Variants in DEK observed in about 807,000 individuals in gnomAD.
DEK encodes DEK proto-oncogene.
A neutral mutation model predicts 46.8 loss-of-function variants in DEK; 28 were observed. That is an observed-to-expected ratio of 0.60 (90% confidence interval 0.44 to 0.82). The LOEUF (loss-of-function observed/expected upper bound fraction) is 0.82, where lower values mean the gene tolerates loss of function less well. Among genes scored for constraint, DEK ranks in the 40% least tolerant of loss-of-function variants. DEK has a pLI of 0.00. For missense variants in DEK, 416 were observed against 430.6 expected (o/e 0.97, Z 0.30); for synonymous variants, 160 against 144.5 (o/e 1.11, Z -0.77).
intron 9 of DEK, among the ~76,000 whole-genome samples, chr6:18,235,872 G>A (rs2151080818): frequency 6.6e-6 from 1 of 152,180 alleles, no homozygotes; most frequent in Non-Finnish European, 1.5e-5. Context: ...AATAATCAAT[G>A]TCCTTTAAAA....
Position 18,264,002 on chromosome 6 carries a change from T to G in DEK, c.-9-6A>C, listed in dbSNP as rs748648599. ...GAGGCGGACATGCTGTGAACCTGCA[T>G]GCGGGAAGAAAGCCGGACGTCTCGG... On this transcript the variant is annotated splice_region_variant and splice_polypyrimidine_tract_variant and intron_variant, in intron 1 of 10. Coordinates refer to ENST00000652689, the MANE Select transcript of DEK (RefSeq NM_003472.4). 6.3e-6 allele frequency: 10 copies of G among 1,591,710 alleles called. 1 individual carries two copies. In the South Asian group the frequency reaches 6.7e-5, roughly 11 times the overall value.
At chr6:18,250,233 G>A (rs532877797) in intron 6 of DEK, among the ~76,000 whole-genome samples, 65 of 152,130 alleles carry the variant, frequency 4.3e-4, no homozygotes, top group Non-Finnish European at 5.1e-4. Flanking sequence ...ACTTTGGGAC[G>A]CCGAGGCGGG....
intron 7 of DEK, among the ~76,000 whole-genome samples, chr6:18,247,952 A>G (rs1348177063): frequency 1.3e-5 from 2 of 152,138 alleles, no homozygotes; most frequent in Non-Finnish European, 2.9e-5. Flanking sequence ...GATTACAGGC[A>G]TGGGTCACCA....
chr6:18,259,150 CAGG>C (rs1406012899), intron 2 of DEK, among the ~76,000 whole-genome samples: 1 of 151,708 alleles, frequency 6.6e-6, no homozygotes, highest in South Asian at 2.1e-4. Flanking sequence ...CTAACTCGGT[CAGG>C]AGATCGAGAC....
At chr6:18,230,002 G>T (rs1790337110) in intron 9 of DEK, among the ~76,000 whole-genome samples, 1 of 152,170 alleles carries the variant, frequency 6.6e-6, no homozygotes, top group Admixed American at 6.5e-5. Context: ...CCCACAAAGG[G>T]AAGCCCATCA....
intron 9 of DEK, among the ~76,000 whole-genome samples, chr6:18,235,472 A>G (rs990041518): frequency 1.3e-5 from 2 of 152,222 alleles, no homozygotes; most frequent in Non-Finnish European, 2.9e-5. Context: ...ATGCTTTTCC[A>G]GATTCCCCCA....
At position 18,252,461 on chromosome 6, in the gene DEK, A is replaced by G. The variant is rs1014339829; in HGVS notation, c.574-2622T>C. On this transcript the variant is annotated intron_variant, in intron 6 of 10. Coordinates refer to ENST00000652689, the MANE Select transcript of DEK (RefSeq NM_003472.4). ...GAGGTCAAGGTTGCATTGAGCCATG[A>G]TTGTACCACAACACTCCAGTCTAGG... 2.3e-5 allele frequency among the ~76,000 whole-genome samples: 3 copies of G among 128,754 alleles called. No homozygotes were observed. In the East Asian group the frequency reaches 8.0e-4, roughly 34 times the overall value. The allele number at this position is 128,754 out of a possible 152,430, so 84.5% of individuals were successfully genotyped here.
intron 4 of DEK, among the ~76,000 whole-genome samples, chr6:18,257,548 A>C (rs1561991600): frequency 6.6e-6 from 1 of 152,060 alleles, no homozygotes. Context: ...CTGCCTCTAC[A>C]AAAAGTAAAA....
intron 9 of DEK, among the ~76,000 whole-genome samples, chr6:18,232,444 T>G (rs1315730670): frequency 6.6e-6 from 1 of 152,166 alleles, no homozygotes; most frequent in East Asian, 1.9e-4. Context: ...GCAGATGACA[T>G]GATTCTATAT....
At chr6:18,252,327 T>C (rs983415709) in intron 6 of DEK, among the ~76,000 whole-genome samples, 17 of 151,720 alleles carry the variant, frequency 1.1e-4, no homozygotes, top group African/African-American at 3.6e-4. Flanking sequence ...TTGGACAATA[T>C]AGTGAGCCCT....
intron 9 of DEK, among the ~76,000 whole-genome samples, chr6:18,233,847 G>T (rs568876023): frequency 9.2e-5 from 14 of 152,138 alleles, no homozygotes; most frequent in Non-Finnish European, 1.3e-4. Flanking sequence ...CATTACTGGG[G>T]ATATACCCAA....
chr6:18,234,760 C>T (rs537725644), intron 9 of DEK, among the ~76,000 whole-genome samples: 22 of 152,294 alleles, frequency 1.4e-4, no homozygotes, highest in African/African-American at 5.1e-4. Flanking sequence ...CACCAAATTG[C>T]TTTCTCCCCT....
chr6:18,244,566 C>T (rs186263779), intron 7 of DEK: 2 of 1,289,186 alleles, frequency 1.6e-6, no homozygotes, highest in East Asian at 5.5e-5. Context: ...ACGCCTGTCA[C>T]AGAGCCAGAA....
At chr6:18,229,495 A>ATGGCT in intron 9 of DEK, among the ~76,000 whole-genome samples, 1 of 152,324 alleles carries the variant, frequency 6.6e-6, no homozygotes, top group Admixed American at 6.5e-5. Flanking sequence ...GATGAGACGA[A>ATGGCT]TGGCTAACTA....
chr6:18,242,520 G>C (rs931156722), intron 7 of DEK, among the ~76,000 whole-genome samples: 2 of 152,186 alleles, frequency 1.3e-5, no homozygotes, highest in African/African-American at 4.8e-5. Flanking sequence ...GCTGTTCTGA[G>C]TAGTGTGATG....
At chr6:18,256,602 G>A (rs1270850760) in intron 4 of DEK, 147 bp from the exon 5 acceptor site, 3 of 526,138 alleles carry the variant, frequency 5.7e-6, no homozygotes, top group African/African-American at 2.0e-5. Flanking sequence ...ATTCAATATG[G>A]GTTCAATATT....
chr6:18,228,515 G>A (rs214500), intron 9 of DEK, among the ~76,000 whole-genome samples: 13,960 of 151,940 alleles, frequency 0.092, 744 homozygotes, highest in South Asian at 0.23. Flanking sequence ...GGGGCTTGTC[G>A]GACGGTGGGT....
chr6:18,227,767 C>A (rs1213891002), intron 9 of DEK, among the ~76,000 whole-genome samples: 1 of 152,152 alleles, frequency 6.6e-6, no homozygotes, highest in Non-Finnish European at 1.5e-5. Context: ...CCAGATAGAT[C>A]TTAGATAACA....
chr6:18,237,000 G>T, intron 8 of DEK: 1 of 190,218 alleles, frequency 5.3e-6, no homozygotes, highest in Non-Finnish European at 1.1e-5. Context: ...GCCAAGATAG[G>T]AGACTCGCTT....
Sources: allele counts gnomAD v4.1 joint callset (sites outside exome capture counted in the v4.1 genomes callset), GRCh38; gene constraint gnomAD v4.1.1; transcripts MANE v1.5; gene names NCBI Gene and HGNC (gene_info 2026-07-23, HGNC 2026-07-21).